Variants in DOCK9 observed in about 807,000 individuals in gnomAD.
DOCK9 encodes the protein dedicator of cytokinesis 9.
Under a neutral mutation model 263.3 loss-of-function variants are expected in DOCK9, and 89 were observed. The observed-to-expected ratio is 0.34, with a 90% CI of 0.28 to 0.40. DOCK9 has a LOEUF of 0.40. Ranked by LOEUF, DOCK9 falls within the 10% of genes least tolerant of loss-of-function variation. DOCK9 has a pLI of 1.00. For missense variants in DOCK9, 2,140 were observed against 2,603.4 expected, an observed-to-expected ratio of 0.82 and a Z score of 3.87; for synonymous variants, 976 against 973.1, an observed-to-expected ratio of 1.00 and a Z score of -0.06.
intron 1 of DOCK9, among the ~76,000 whole-genome samples, chr13:99,079,640 G>C (rs995692030): frequency 2.6e-5 from 4 of 152,084 alleles, no homozygotes; most frequent in Non-Finnish European, 4.4e-5. Flanking sequence ...ACTGAGACTC[G>C]GGCAACGTAT....
At chr13:98,888,820 T>A in intron 15 of DOCK9, 109 bp from the exon 16 acceptor site, 1 of 914,950 alleles carries the variant, frequency 1.1e-6, no homozygotes, top group Non-Finnish European at 1.7e-6. Flanking sequence ...AAGACAATTT[T>A]AAACATTCTA....
intron 1 of DOCK9, among the ~76,000 whole-genome samples, chr13:99,032,527 C>T (rs1034092658): frequency 4.6e-5 from 7 of 151,286 alleles, no homozygotes; most frequent in Non-Finnish European, 8.8e-5. Context: ...CAAATATACG[C>T]ACCCCTAAAA....
intron 1 of DOCK9, among the ~76,000 whole-genome samples, chr13:99,053,573 G>A (rs12428588): frequency 0.094 from 14,238 of 152,186 alleles, 727 homozygotes; most frequent in Middle Eastern, 0.14. Flanking sequence ...TAAAGCCAAT[G>A]GTAAGAACTT....
intron 30 of DOCK9, among the ~76,000 whole-genome samples, 152 bp downstream of exon 30, chr13:98,867,273 C>T (rs1225429969): frequency 3.3e-5 from 5 of 151,948 alleles, no homozygotes; most frequent in South Asian, 2.1e-4. Flanking sequence ...TTTACCAATA[C>T]TTTTTGAAAT....
At chr13:98,822,611 A>ACT (rs1421365241) in intron 45 of DOCK9, among the ~76,000 whole-genome samples, 3 of 152,188 alleles carry the variant, frequency 2.0e-5, no homozygotes, top group African/African-American at 7.2e-5. Flanking sequence ...GTTCAAAGCC[A>ACT]AGAGTATGTG....
chr13:98,983,163 T>TA (rs1450015284), intron 1 of DOCK9, among the ~76,000 whole-genome samples: 1 of 152,252 alleles, frequency 6.6e-6, no homozygotes, highest in African/African-American at 2.4e-5. Context: ...CTATATTACT[T>TA]ATATACATGT....
chr13:98,950,271 C>T (rs150774780), intron 2 of DOCK9: 23 of 771,720 alleles, frequency 3.0e-5, no homozygotes, highest in African/African-American at 7.0e-5. Context: ...GTTTCTGCCA[C>T]GAGGAATCAT....
intron 1 of DOCK9, among the ~76,000 whole-genome samples, chr13:99,072,651 C>T (rs769168563): frequency 2.8e-4 from 43 of 152,142 alleles, no homozygotes; most frequent in Non-Finnish European, 1.0e-4. Flanking sequence ...AAAGAAAACA[C>T]CCATTCTAAA....
intron 35 of DOCK9, among the ~76,000 whole-genome samples, chr13:98,851,006 G>A (rs2093553742): frequency 6.6e-6 from 1 of 152,208 alleles, no homozygotes; most frequent in African/African-American, 2.4e-5. Context: ...TCATGAAGAT[G>A]TATGGCCACA....
At chr13:99,060,479 G>A (rs1258385044) in intron 1 of DOCK9, among the ~76,000 whole-genome samples, 4 of 152,106 alleles carry the variant, frequency 2.6e-5, no homozygotes, top group Non-Finnish European at 5.9e-5. Context: ...TATATAACTA[G>A]GAGTGGAACT....
intron 7 of DOCK9, among the ~76,000 whole-genome samples, chr13:98,919,337 T>C (rs2051478106): frequency 6.6e-6 from 1 of 152,128 alleles, no homozygotes; most frequent in African/African-American, 2.4e-5. Context: ...CTTGAACTCC[T>C]GACCATCCGC....
intron 39 of DOCK9, among the ~76,000 whole-genome samples, chr13:98,834,006 G>T (rs1273233187): frequency 6.6e-6 from 1 of 152,172 alleles, no homozygotes. Flanking sequence ...TGCTGAAGAT[G>T]GGAAATTTTC....
At chr13:98,926,827 A>T (rs1315043352) in intron 3 of DOCK9, among the ~76,000 whole-genome samples, 3 of 152,258 alleles carry the variant, frequency 2.0e-5, no homozygotes, top group African/African-American at 7.2e-5. Context: ...ATAGGTCGAT[A>T]AATGTATTTA....
At chr13:98,900,974 G>A (rs915264508) in intron 13 of DOCK9, among the ~76,000 whole-genome samples, 4 of 152,154 alleles carry the variant, frequency 2.6e-5, no homozygotes, top group African/African-American at 9.7e-5. Flanking sequence ...AGGCCTCTCA[G>A]ATGACCACAC....
chr13:98,900,159 C>T (rs2048058261), intron 13 of DOCK9, among the ~76,000 whole-genome samples: 1 of 73,584 alleles, frequency 1.4e-5, no homozygotes, highest in South Asian at 8.0e-4. Flanking sequence ...ATGAGCTTTA[C>T]ATTCCATAAA....
intron 1 of DOCK9, among the ~76,000 whole-genome samples, chr13:99,065,071 G>A (rs549200961): frequency 6.6e-6 from 1 of 152,220 alleles, no homozygotes; most frequent in South Asian, 2.1e-4. Flanking sequence ...GCACAGTCAC[G>A]CACGGCTGAA....
intron 1 of DOCK9, among the ~76,000 whole-genome samples, chr13:99,068,892 C>T (rs2041548856): frequency 6.6e-6 from 1 of 152,120 alleles, no homozygotes; most frequent in South Asian, 2.1e-4. Context: ...ATTATGGCAC[C>T]TCTGCTATCA....
At position 98,920,996 on chromosome 13, in the gene DOCK9, TG is replaced by T; in HGVS notation, c.674del (p.Pro225GlnfsTer51). 1 of 1,607,482 alleles carries T rather than the reference TG, an allele frequency of 6.2e-7. No individual in the cohort carries two copies. Among genetic ancestry groups the T allele is most frequent in the African/African-American group, 1.3e-5 (1 of 74,970 alleles). On this transcript the variant is annotated frameshift_variant, in exon 7 of 53. Coordinates refer to ENST00000682017, the MANE Select transcript of DOCK9 (RefSeq NM_001366683.2). LOFTEE classifies it high-confidence loss of function. ...AGGAATCCAGAAATATTGATCCTTT[TG>T]GTTCTTTGGAGATCTTTTCATCTTT... ...FYKDEKISKE[P>X]KGSIFLDSCM...
At chr13:99,028,879 T>C (rs1280270957) in intron 1 of DOCK9, among the ~76,000 whole-genome samples, 1 of 152,198 alleles carries the variant, frequency 6.6e-6, no homozygotes, top group Non-Finnish European at 1.5e-5. Flanking sequence ...TTTAGGAGGA[T>C]AGGTCTAGAT....
Sources: allele counts gnomAD v4.1 joint callset (sites outside exome capture counted in the v4.1 genomes callset), GRCh38; gene constraint gnomAD v4.1.1; transcripts MANE v1.5; gene names NCBI Gene and HGNC (gene_info 2026-07-23, HGNC 2026-07-21).